The following BMP6 variants were observed in gnomAD, a reference collection of about 807,000 sequenced individuals.
BMP6 encodes VG-1-R.
A neutral mutation model predicts 54.1 loss-of-function variants in BMP6; 17 were observed. That is an observed-to-expected ratio of 0.31 (90% CI 0.22 to 0.47). The LOEUF (loss-of-function observed/expected upper bound fraction) is 0.47. Among genes scored for constraint, BMP6 ranks in the 20% least tolerant of loss-of-function variants. The pLI is 1.00. For missense variants in BMP6, 720 were observed against 690.4 expected (o/e 1.04, Z -0.48); for synonymous variants, 328 against 291.2 (o/e 1.13, Z -1.28).
chr6:7,792,347 G>A (rs1758121267), intron 1 of BMP6, among the ~76,000 whole-genome samples: 1 of 152,068 alleles, frequency 6.6e-6, no homozygotes, highest in Non-Finnish European at 1.5e-5. Flanking sequence ...ACATAACTGG[G>A]GACCGTACCC....
At chr6:7,879,913 T>TCA in intron 5 of BMP6, 78 bp from the exon 6 acceptor site, 1 of 1,432,880 alleles carries the variant, frequency 7.0e-7, no homozygotes, top group South Asian at 1.2e-5. Context: ...AAATACCTTT[T>TCA]CACAGCATTC....
At chr6:7,790,236 T>C (rs567809726) in intron 1 of BMP6, among the ~76,000 whole-genome samples, 1 of 152,214 alleles carries the variant, frequency 6.6e-6, no homozygotes, top group Non-Finnish European at 1.5e-5. Context: ...CACACAAGGC[T>C]GGGTGCAGTG....
chr6:7,801,134 C>G (rs912066975), intron 1 of BMP6, among the ~76,000 whole-genome samples: 8 of 152,190 alleles, frequency 5.3e-5, no homozygotes, highest in African/African-American at 1.9e-4. Context: ...CTCTCTCCTG[C>G]ACAAATGAAT....
rs1375646297 is a variant in BMP6 at position 7,880,478 on chromosome 6, C to T, written c.*135C>T. ...TATCTCATGCCAGTGCCTTATTACC[C>T]AGGAAGATTTTAAAGGACCTCATTA... On this transcript the variant is annotated 3_prime_UTR_variant, in exon 7 of 7. Transcript: ENST00000283147. 1.6e-6 allele frequency: 2 copies of T among 1,236,408 alleles called. No individual in the cohort carries two copies. The highest frequency in any genetic ancestry group is 2.3e-6 in the Non-Finnish European group (2 of 884,996). The allele number at this position is 1,236,408 out of a possible 1,614,324, so 76.6% of individuals were successfully genotyped here. A position where few individuals can be genotyped will look rare whatever the true frequency, so the allele number is the denominator to read the frequency against.
intron 1 of BMP6, among the ~76,000 whole-genome samples, chr6:7,813,109 ATATATATATATATATATATATATATATAT>A (rs1758461998): frequency 3.2e-4 from 5 of 15,742 alleles, no homozygotes; most frequent in African/African-American, 9.2e-4. Flanking sequence ...AAAAAAAAAA[ATATATATATATATATATATATATATATAT>A]ATATATATAT....
chr6:7,855,960 A>G (rs1759224115), intron 2 of BMP6, among the ~76,000 whole-genome samples: 1 of 151,972 alleles, frequency 6.6e-6, no homozygotes, highest in African/African-American at 2.4e-5. Flanking sequence ...AGTAAACACC[A>G]TGTTAAGGTT....
intron 1 of BMP6, among the ~76,000 whole-genome samples, chr6:7,826,297 C>T (rs1269201196): frequency 6.6e-6 from 1 of 152,174 alleles, no homozygotes; most frequent in African/African-American, 2.4e-5. Flanking sequence ...TCACTTTCTC[C>T]TGTTCTGACT....
chr6:7,751,062 T>C (rs1440470579), intron 1 of BMP6, among the ~76,000 whole-genome samples: 2 of 152,238 alleles, frequency 1.3e-5, no homozygotes, highest in Non-Finnish European at 2.9e-5. Context: ...CCGGCCATAT[T>C]AAGCTCAGTG....
Position 7,838,080 on chromosome 6 carries a change from G to A in BMP6, c.665-7060G>A, listed in dbSNP as rs562731122. 8.9e-4 allele frequency among the ~76,000 whole-genome samples: 136 copies of A among 152,210 alleles called. No individual in the cohort carries two copies. The Middle Eastern group carries it at 0.01, about 11-fold the overall frequency. ...TAGTTCCCCCTTATCCACGGTTTCC[G>A]TATCCACAGTTTCGGTTTCCACAGT... On this transcript the variant is annotated intron_variant, in intron 1 of 6. Transcript: ENST00000283147.
intron 1 of BMP6, among the ~76,000 whole-genome samples, chr6:7,779,601 A>G (rs889170990): frequency 2.0e-5 from 3 of 152,164 alleles, no homozygotes; most frequent in Non-Finnish European, 4.4e-5. Context: ...CGGCCTCCCA[A>G]AGTGCTGGGA....
At chr6:7,768,256 C>T (rs1757722829) in intron 1 of BMP6, among the ~76,000 whole-genome samples, 1 of 152,190 alleles carries the variant, frequency 6.6e-6, no homozygotes, top group Non-Finnish European at 1.5e-5. Flanking sequence ...ACTTGGAGGA[C>T]CTGGTCCAGC....
intron 1 of BMP6, among the ~76,000 whole-genome samples, chr6:7,737,537 T>C (rs567876409): frequency 1.3e-5 from 2 of 152,282 alleles, no homozygotes; most frequent in East Asian, 1.9e-4. Context: ...CCTGTTGTTA[T>C]GCATGCACAT....
At chr6:7,769,375 G>A (rs956399519) in intron 1 of BMP6, among the ~76,000 whole-genome samples, 1 of 152,192 alleles carries the variant, frequency 6.6e-6, no homozygotes, top group African/African-American at 2.4e-5. Context: ...TGCCTGGGGG[G>A]GTGGGAGTTT....
chr6:7,831,555 T>C (rs1758794558), intron 1 of BMP6, among the ~76,000 whole-genome samples: 1 of 152,206 alleles, frequency 6.6e-6, no homozygotes, highest in Non-Finnish European at 1.5e-5. Context: ...GGCCTGACTT[T>C]CCTATGCATG....
intron 1 of BMP6, among the ~76,000 whole-genome samples, chr6:7,761,459 A>G (rs1251260682): frequency 6.6e-6 from 1 of 152,234 alleles, no homozygotes; most frequent in Non-Finnish European, 1.5e-5. Flanking sequence ...GACACATAAT[A>G]TTCTGTAATA....
intron 1 of BMP6, among the ~76,000 whole-genome samples, chr6:7,797,488 T>C (rs1758208135): frequency 6.6e-6 from 1 of 152,230 alleles, no homozygotes; most frequent in African/African-American, 2.4e-5. Context: ...CTTGGCAAAC[T>C]GATGCTTATA....
At chr6:7,760,462 T>C (rs948441206) in intron 1 of BMP6, among the ~76,000 whole-genome samples, 6 of 151,914 alleles carry the variant, frequency 3.9e-5, no homozygotes, top group African/African-American at 9.7e-5. Flanking sequence ...GTTTTACTTA[T>C]TTATTTATTT....
rs771981511 is a variant in BMP6 at position 7,727,433 on chromosome 6, T to C, written c.478T>C (p.Ser160Pro). Reference sequence around the variant, plus strand: ...GGCGTCGGAGGGGGAGAGGCAGCAGTCCTGGCCCCACGAAGCAGCCAGCTC... The same window carrying C: ...GGCGTCGGAGGGGGAGAGGCAGCAGCCCTGGCCCCACGAAGCAGCCAGCTC... ...DGASEGERQQ[S>P]WPHEAASSSQ... Residue 160 changes from serine to proline, a missense_variant, in exon 1 of 7, where the codon TCC becomes CCC. Ser to Pro is a moderately conservative substitution (Grantham distance 74, BLOSUM62 -1). Coordinates refer to ENST00000283147, the MANE Select transcript of BMP6 (RefSeq NM_001718.6). 1 of 1,605,028 alleles carries C rather than the reference T, an allele frequency of 6.2e-7. No homozygotes were observed.
chr6:7,781,335 C>T (rs556979382), intron 1 of BMP6, among the ~76,000 whole-genome samples: 6 of 151,840 alleles, frequency 4.0e-5, no homozygotes, highest in East Asian at 3.9e-4. Context: ...CTCGTTCATA[C>T]GTACCATGCC....
Sources: gnomAD v4.1 joint callset for allele counts (sites outside exome capture counted in the v4.1 genomes callset) on GRCh38, gnomAD v4.1.1 for gene constraint, MANE v1.5 for transcripts, NCBI Gene and HGNC (gene_info 2026-07-23, HGNC 2026-07-21) for gene names.